IL1RAPL1: variants seen among roughly 807,000 people sequenced by gnomAD.
IL1RAPL1 encodes the protein interleukin 1 receptor accessory protein like 1, also known as interleukin-1 receptor accessory protein-like 1.
Under a neutral mutation model 48.4 loss-of-function variants are expected in IL1RAPL1, and 3 were observed. The ratio of observed to expected loss-of-function variants is 0.06; its 90% CI spans 0.03 to 0.16. The LOEUF is 0.16. IL1RAPL1 is among the 10% of genes least tolerant of loss of function. The pLI, the probability that IL1RAPL1 is intolerant of heterozygous loss-of-function variation, is 1.00. For missense variants in IL1RAPL1, 349 were observed against 530.6 expected (o/e 0.66, Z 3.36); for synonymous variants, 185 against 187.7 (o/e 0.99, Z 0.12).
At chrX:29,177,675 A>C (rs1249542701) in intron 2 of IL1RAPL1, among the ~76,000 whole-genome samples, 2 of 111,839 alleles carry the variant, frequency 1.8e-5, no homozygotes, top group Non-Finnish European at 3.8e-5. Context: ...TACATGTGCC[A>C]TGTTGGTTTG....
At chrX:29,241,625 G>A (rs1387852727) in intron 2 of IL1RAPL1, among the ~76,000 whole-genome samples, 3 of 111,559 alleles carry the variant, frequency 2.7e-5, no homozygotes, top group Admixed American at 9.6e-5. Context: ...GAAACAGAAA[G>A]CTTACTCAAT....
At chrX:29,749,168 A>G (rs1413589308) in intron 6 of IL1RAPL1, among the ~76,000 whole-genome samples, 1 of 111,670 alleles carries the variant, frequency 9.0e-6, no homozygotes, top group African/African-American at 3.3e-5. Flanking sequence ...CTTGTAGGCC[A>G]TGAAATAGGA....
chrX:29,192,584 A>G (rs1930372756), intron 2 of IL1RAPL1, among the ~76,000 whole-genome samples: 1 of 112,203 alleles, frequency 8.9e-6, no homozygotes, highest in Non-Finnish European at 1.9e-5. Context: ...ATTGAATGCC[A>G]TTTTAAGATT....
chrX:29,508,231 G>T (rs1018449014), intron 5 of IL1RAPL1, among the ~76,000 whole-genome samples: 31 of 111,348 alleles, frequency 2.8e-4, no homozygotes, highest in African/African-American at 9.8e-4. Flanking sequence ...CCTGATCCCA[G>T]CTCAAATACA....
At chrX:29,652,908 A>G (rs994731936) in intron 5 of IL1RAPL1, among the ~76,000 whole-genome samples, 1 of 112,254 alleles carries the variant, frequency 8.9e-6, no homozygotes, top group African/African-American at 3.2e-5. Flanking sequence ...GTGCTTTTCT[A>G]TTCTTCTACC....
At chrX:29,584,660 C>A (rs1436134990) in intron 5 of IL1RAPL1, among the ~76,000 whole-genome samples, 1 of 111,431 alleles carries the variant, frequency 9.0e-6, no homozygotes, top group South Asian at 3.8e-4. Flanking sequence ...CTCAAGTGAT[C>A]CTCCCACCTC....
chrX:29,934,834 A>T (rs1194327970), intron 8 of IL1RAPL1, among the ~76,000 whole-genome samples: 1 of 112,054 alleles, frequency 8.9e-6, no homozygotes, highest in African/African-American at 3.2e-5. Context: ...GGAAAATTCA[A>T]AATTACAAAA....
chrX:29,766,889 A>G (rs963381512), intron 6 of IL1RAPL1, among the ~76,000 whole-genome samples: 1 of 108,270 alleles, frequency 9.2e-6, no homozygotes, highest in Non-Finnish European at 1.9e-5. Context: ...GCTTCATCAT[A>G]TATCTTCTAA....
chrX:28,985,358 G>A (rs1328236776), intron 2 of IL1RAPL1, among the ~76,000 whole-genome samples: 1 of 111,598 alleles, frequency 9.0e-6, no homozygotes, highest in Non-Finnish European at 1.9e-5. Flanking sequence ...AAATTGATGG[G>A]GTTGAATAAT....
At chrX:29,073,225 A>C (rs1443308850) in intron 2 of IL1RAPL1, among the ~76,000 whole-genome samples, 1 of 112,268 alleles carries the variant, frequency 8.9e-6, no homozygotes, top group Non-Finnish European at 1.9e-5. Context: ...TTACATTATC[A>C]GTAGATAATA....
intron 6 of IL1RAPL1, among the ~76,000 whole-genome samples, chrX:29,851,645 G>A (rs756751635): frequency 4.5e-5 from 5 of 111,207 alleles, no homozygotes; most frequent in South Asian, 3.8e-4. Flanking sequence ...CACTTCCTTC[G>A]TTTCTGTGCA....
At chrX:29,153,914 T>C (rs1469136780) in intron 2 of IL1RAPL1, among the ~76,000 whole-genome samples, 1 of 112,181 alleles carries the variant, frequency 8.9e-6, no homozygotes, top group Non-Finnish European at 1.9e-5. Flanking sequence ...GTACATAAAC[T>C]GAACACAAGA....
chrX:28,981,125 A>AAAAAAAAAAGG (rs1925328292), intron 2 of IL1RAPL1, among the ~76,000 whole-genome samples: 1 of 97,719 alleles, frequency 1.0e-5, no homozygotes, highest in Non-Finnish European at 2.0e-5. Flanking sequence ...AAAAAAAAAA[A>AAAAAAAAAAGG]AAAGGAAAGA....
chrX:29,394,669 A>C (rs1367973708), intron 3 of IL1RAPL1, among the ~76,000 whole-genome samples: 1 of 111,643 alleles, frequency 9.0e-6, no homozygotes, highest in Non-Finnish European at 1.9e-5. Flanking sequence ...TTATTTGCCT[A>C]TCTCTTTCCC....
At chrX:29,164,788 T>C (rs1929753330) in intron 2 of IL1RAPL1, among the ~76,000 whole-genome samples, 1 of 102,755 alleles carries the variant, frequency 9.7e-6, no homozygotes, top group Non-Finnish European at 2.0e-5. Context: ...GATTTCATTA[T>C]ACTCCATTAT....
chrX:29,796,100 G>T (rs1386230447), intron 6 of IL1RAPL1, among the ~76,000 whole-genome samples: 1 of 111,779 alleles, frequency 8.9e-6, no homozygotes, highest in Non-Finnish European at 1.9e-5. Context: ...TTCCCTCTGG[G>T]AAACCACCTC....
At chrX:29,388,372 A>G (rs923224767) in intron 3 of IL1RAPL1, among the ~76,000 whole-genome samples, 3 of 111,228 alleles carry the variant, frequency 2.7e-5, no homozygotes, top group African/African-American at 9.8e-5. Flanking sequence ...AAAAATATAT[A>G]TATATTCCTG....
intron 3 of IL1RAPL1, among the ~76,000 whole-genome samples, chrX:29,381,343 C>T (rs181656622): frequency 6.0e-4 from 63 of 105,261 alleles, no homozygotes; most frequent in Non-Finnish European, 1.1e-3. Flanking sequence ...AAGTAACATA[C>T]GCAAAAGCCT....
chrX:28,806,586 A>G (rs1166061168), intron 2 of IL1RAPL1, among the ~76,000 whole-genome samples: 1 of 111,252 alleles, frequency 9.0e-6, no homozygotes, highest in African/African-American at 3.3e-5. Context: ...AATGCTGGTG[A>G]ATAGAAGTGG....
Sources: gnomAD v4.1 joint callset for allele counts (sites outside exome capture counted in the v4.1 genomes callset) on GRCh38, gnomAD v4.1.1 for gene constraint, MANE v1.5 for transcripts, NCBI Gene and HGNC (gene_info 2026-07-23, HGNC 2026-07-21) for gene names.